Variants in HLTF observed in about 807,000 individuals in gnomAD.
HLTF encodes the protein DNA-dependent ATPase/E3 ubiquitin-protein ligase HLTF.
HLTF carries 127 observed loss-of-function variants against 129.4 expected under a neutral mutation model. The ratio of observed to expected loss-of-function variants is 0.98; its 90% CI spans 0.85 to 1.14. The LOEUF (loss-of-function observed/expected upper bound fraction) is 1.14. Ranked by LOEUF, HLTF falls within the 50% of genes most tolerant of loss-of-function variation. The pLI is 0.00. For synonymous variants in HLTF, 332 were observed against 388.8 expected, an observed-to-expected ratio of 0.85 and a Z score of 1.72; for missense variants, 1,139 against 1,187.1, an observed-to-expected ratio of 0.96 and a Z score of 0.60.
intron 16 of HLTF, 40 bp from the exon 17 acceptor site, chr3:149,048,203 G>T (rs776202638): frequency 1.3e-6 from 2 of 1,547,086 alleles, no homozygotes. Context: ...TTTAACCAGA[G>T]TATCCAGTAA....
intron 23 of HLTF, among the ~76,000 whole-genome samples, chr3:149,035,715 T>A (rs1337721198): frequency 6.7e-6 from 1 of 149,450 alleles, no homozygotes; most frequent in Non-Finnish European, 1.5e-5. Flanking sequence ...GTCCTAAAAA[T>A]TATTTTTTTG....
chr3:149,061,368 G>A (rs1052390232), intron 10 of HLTF, among the ~76,000 whole-genome samples: 4 of 151,578 alleles, frequency 2.6e-5, no homozygotes, highest in South Asian at 2.1e-4. Flanking sequence ...CGGAGATTGC[G>A]CCACTGCACA....
chr3:149,062,244 T>C (rs912529276), intron 10 of HLTF, among the ~76,000 whole-genome samples: 2 of 152,196 alleles, frequency 1.3e-5, no homozygotes, highest in African/African-American at 4.8e-5. Flanking sequence ...TTGTTAAGTT[T>C]TTCTCATGTC....
At chr3:149,063,220 T>G (rs1267408860) in intron 10 of HLTF, 5 of 456,248 alleles carry the variant, frequency 1.1e-5, no homozygotes, top group Non-Finnish European at 2.0e-5. Context: ...CGACCACGCC[T>G]GGCTAATTTT....
In HLTF at chr3:149,040,078, G is replaced by A. The variant is rs372238111; in HGVS notation, c.2455C>T (p.Arg819Cys). Residue 819 changes from arginine to cysteine, a missense_variant, in exon 21 of 25, where the codon CGT becomes TGT. Physicochemically the swap from Arg to Cys is radical, Grantham distance 180. Transcript: ENST00000310053. Reference protein sequence around the residue: ...LLECPPEELARDSEKKSDMEW... With the variant: ...LLECPPEELACDSEKKSDMEW... ...ATATCAGACTTTTTCTCACTGTCACGTGCTAATTCTTCTGGAGGACATTCT... is the reference window on the plus strand; with the variant it reads ...ATATCAGACTTTTTCTCACTGTCACATGCTAATTCTTCTGGAGGACATTCT... 6.2e-6 allele frequency: 10 copies of A among 1,610,778 alleles called. No individual in the cohort carries two copies. In the East Asian group the frequency reaches 6.7e-5, roughly 11 times the overall value.
chr3:149,047,564 C>A (rs1716649193), intron 17 of HLTF, among the ~76,000 whole-genome samples: 1 of 152,144 alleles, frequency 6.6e-6, no homozygotes, highest in Non-Finnish European at 1.5e-5. Flanking sequence ...ATCGCTTGAA[C>A]CCAGGAGGCG....
chr3:149,082,967 C>T (rs1341822478), intron 2 of HLTF, among the ~76,000 whole-genome samples: 6 of 152,034 alleles, frequency 3.9e-5, no homozygotes, highest in Admixed American at 3.3e-4. Flanking sequence ...AAATAATGAA[C>T]GTGGCTGGGC....
intron 23 of HLTF, among the ~76,000 whole-genome samples, chr3:149,036,965 T>C (rs937539092): frequency 2.6e-5 from 4 of 152,178 alleles, no homozygotes; most frequent in African/African-American, 9.7e-5. Context: ...TGATCAACTT[T>C]TTCATACTAA....
chr3:149,061,631 T>C (rs1322025779), intron 10 of HLTF, among the ~76,000 whole-genome samples: 1 of 146,302 alleles, frequency 6.8e-6, no homozygotes, highest in Non-Finnish European at 1.5e-5. Flanking sequence ...AGGTCAGGAG[T>C]TTGAGACCAG....
At chr3:149,032,967 A>C (rs112563223) in intron 24 of HLTF, among the ~76,000 whole-genome samples, 4,124 of 143,452 alleles carry the variant, frequency 0.029, 247 homozygotes, top group African/African-American at 0.1. Flanking sequence ...CAAAAAAAAA[A>C]AAAAAAAAAA....
chr3:149,070,061 G>A (rs1034888591), intron 7 of HLTF, among the ~76,000 whole-genome samples: 1 of 152,072 alleles, frequency 6.6e-6, no homozygotes, highest in African/African-American at 2.4e-5. Flanking sequence ...TTCATTCAAT[G>A]AGCAAGATAC....
chr3:149,065,066 CAA>C (rs367993357), intron 8 of HLTF, among the ~76,000 whole-genome samples, 200 bp from the exon 9 acceptor site: 7 of 137,914 alleles, frequency 5.1e-5, no homozygotes, highest in Non-Finnish European at 6.3e-5. Flanking sequence ...CGGGTTATCT[CAA>C]AAAAAAAAAA....
intron 14 of HLTF, among the ~76,000 whole-genome samples, chr3:149,052,627 G>GACT (rs1481660381): frequency 6.6e-6 from 1 of 152,144 alleles, no homozygotes; most frequent in Non-Finnish European, 1.5e-5. Context: ...GCAAAAACCA[G>GACT]ACTACCAAGG....
intron 7 of HLTF, 88 bp from the exon 8 acceptor site, chr3:149,068,423 A>G (rs1718583368): frequency 1.6e-6 from 1 of 620,924 alleles, no homozygotes; most frequent in East Asian, 2.7e-5. Flanking sequence ...AAGTAATCGA[A>G]TATCAAATAT....
chr3:149,054,300 C>T (rs1717241850), intron 14 of HLTF, among the ~76,000 whole-genome samples: 1 of 151,650 alleles, frequency 6.6e-6, no homozygotes, highest in Non-Finnish European at 1.5e-5. Flanking sequence ...AGATGCATAT[C>T]AAGAGAATGT....
chr3:149,032,317 CTCTT>C lies in HLTF; in HGVS notation c.2929_2932del (p.Lys977GlufsTer18). On this transcript the variant is annotated frameshift_variant, in exon 25 of 25. Coordinates refer to ENST00000310053, the MANE Select transcript of HLTF (RefSeq NM_003071.4). LOFTEE classifies it high-confidence loss of function. ...TCCAAAGGCTCCTGCTGCAAGTTCT[CTCTT>C]TTTGTTTTGTATTTTCAGCATATTT... The C allele has an allele frequency of 6.3e-7, 1 of 1,596,784 alleles. No homozygotes were observed. The highest frequency in any genetic ancestry group is 1.7e-4 in the Middle Eastern group (1 of 6,016).
At chr3:149,041,068 T>C (rs889201564) in intron 20 of HLTF, among the ~76,000 whole-genome samples, 1 of 152,172 alleles carries the variant, frequency 6.6e-6, no homozygotes, top group African/African-American at 2.4e-5. Flanking sequence ...AGGTGTGCTG[T>C]AAGTATACAC....
intron 2 of HLTF, among the ~76,000 whole-genome samples, chr3:149,079,012 A>G (rs1004505730): frequency 2.0e-5 from 3 of 152,250 alleles, no homozygotes; most frequent in Non-Finnish European, 2.9e-5. Flanking sequence ...GAGAGACTCA[A>G]CAGCAAATTT....
chr3:149,079,539 A>G (rs1450424144), intron 2 of HLTF, among the ~76,000 whole-genome samples: 1 of 114,316 alleles, frequency 8.7e-6, no homozygotes, highest in African/African-American at 3.2e-5. Flanking sequence ...AACTTGGATA[A>G]CAGCACAAAG....
Sources: gnomAD v4.1 joint callset for allele counts (sites outside exome capture counted in the v4.1 genomes callset) on GRCh38, gnomAD v4.1.1 for gene constraint, MANE v1.5 for transcripts, NCBI Gene and HGNC (gene_info 2026-07-23, HGNC 2026-07-21) for gene names.